WASHC2C: variants seen among roughly 807,000 people sequenced by gnomAD.
The protein encoded by WASHC2C is WASH complex subunit 2C.
A neutral mutation model predicts 142.2 loss-of-function variants in WASHC2C; 73 were observed. That is an observed-to-expected ratio of 0.51 (90% confidence interval 0.43 to 0.62). The LOEUF is 0.62. Among genes scored for constraint, WASHC2C ranks in the 20% least tolerant of loss-of-function variants. WASHC2C has a pLI of 0.00. For missense variants in WASHC2C, 969 were observed against 1,531.7 expected (o/e 0.63, Z 6.13); for synonymous variants, 337 against 565.5 (o/e 0.60, Z 5.73).
At chr10:45,731,829 C>G in intron 3 of WASHC2C, among the ~76,000 whole-genome samples, 1 of 131,278 alleles carries the variant, frequency 7.6e-6, no homozygotes, top group South Asian at 2.6e-4. Context: ...GAGTCTCACT[C>G]TGTCGCCCAG....
intron 23 of WASHC2C, among the ~76,000 whole-genome samples, chr10:45,784,281 T>TATATACAC (rs2057812645): frequency 1.1e-4 from 1 of 9,042 alleles, no homozygotes; most frequent in African/African-American, 1.8e-4. Flanking sequence ...TATATATATA[T>TATATACAC]ATATATATAC....
intron 30 of WASHC2C, among the ~76,000 whole-genome samples, chr10:45,791,344 A>G (rs1172761572): frequency 6.6e-6 from 1 of 151,336 alleles, no homozygotes; most frequent in African/African-American, 2.4e-5. Flanking sequence ...TAATAGATTC[A>G]TGCAATTCAG....
intron 3 of WASHC2C, among the ~76,000 whole-genome samples, chr10:45,732,085 CA>C (rs1159780123): frequency 6.6e-6 from 1 of 152,116 alleles, no homozygotes; most frequent in African/African-American, 2.4e-5. Context: ...TGTGAGCCAC[CA>C]TACCCGGCAA....
chr10:45,767,275 A>AT (rs1554882761), intron 19 of WASHC2C, among the ~76,000 whole-genome samples: 1 of 149,884 alleles, frequency 6.7e-6, no homozygotes, highest in East Asian at 2.0e-4. Context: ...CTCAAAAAAA[A>AT]GCTTATGCAA....
chr10:45,752,292 T>A (rs1273973510), intron 11 of WASHC2C, among the ~76,000 whole-genome samples: 1 of 152,308 alleles, frequency 6.6e-6, no homozygotes, highest in Non-Finnish European at 1.5e-5. Context: ...ATGTGGCGTC[T>A]GACCCGAATG....
intron 28 of WASHC2C, among the ~76,000 whole-genome samples, 167 bp downstream of exon 28, chr10:45,787,414 A>G (rs1554890785): frequency 2.3e-5 from 2 of 88,604 alleles, no homozygotes; most frequent in Non-Finnish European, 4.6e-5. Context: ...CACCCCCCTC[A>G]TCCTGCACCT....
At chr10:45,735,758 C>T (rs1430424856) in intron 3 of WASHC2C, among the ~76,000 whole-genome samples, 3 of 152,114 alleles carry the variant, frequency 2.0e-5, no homozygotes, top group Admixed American at 6.6e-5. Context: ...CATTTAAAAG[C>T]AACATTGTTT....
In WASHC2C at chr10:45,765,719, T is replaced by C. The variant is rs1554881955; in HGVS notation, c.1778T>C (p.Leu593Ser). 2.5e-6 allele frequency: 4 copies of C among 1,612,012 alleles called. No individual in the cohort carries two copies. Among genetic ancestry groups the C allele is most frequent in the Non-Finnish European group, 1.7e-6 (2 of 1,179,872 alleles). ...FGGTAAKKQT[L>S]SLQAQREEKA... ...GGTACAGCTGCTAAGAAGCAGACAT[T>C]GTCTCTACAAGCTCAGAGAGAAGAG... The change falls in exon 19 of 31, where the codon TTG becomes TCG. Residue 593 changes from leucine (L) to serine (S), a missense_variant. By Grantham distance (145) the Leu-to-Ser change is moderately radical. Coordinates refer to ENST00000623400, the MANE Select transcript of WASHC2C (RefSeq NM_001330074.2).
chr10:45,763,682 T>C (rs1440206943), intron 18 of WASHC2C, among the ~76,000 whole-genome samples, 193 bp downstream of exon 18: 4 of 151,902 alleles, frequency 2.6e-5, no homozygotes, highest in Admixed American at 6.6e-5. Context: ...AGCTGTGCAA[T>C]GGAGAAGACA....
chr10:45,757,335 CTT>C (rs2054432995), intron 16 of WASHC2C, among the ~76,000 whole-genome samples, 196 bp downstream of exon 16: 1 of 147,790 alleles, frequency 6.8e-6, no homozygotes, highest in African/African-American at 2.5e-5. Context: ...TTGGCAAACA[CTT>C]TATGGATGTA....
Position 45,746,587 on chromosome 10 carries a change from C to T in WASHC2C, c.685-13C>T, listed in dbSNP as rs782592577. On this transcript the variant is annotated splice_polypyrimidine_tract_variant and intron_variant, in intron 7 of 30. Transcript: ENST00000623400. Reference sequence around the variant, plus strand: ...AGCCCATTTAACAACAAAGCCTTTTCTTACCCATAAAGGAGTCAGATGAAG... The same window carrying T: ...AGCCCATTTAACAACAAAGCCTTTTTTTACCCATAAAGGAGTCAGATGAAG... 1 of 1,613,286 alleles carries T rather than the reference C, an allele frequency of 6.2e-7. No homozygotes were observed. The highest frequency in any genetic ancestry group is 8.5e-7 in the Non-Finnish European group (1 of 1,179,470).
At chr10:45,727,255 C>T (rs544062800), upstream of WASHC2C, 25 of 1,535,670 alleles carry the variant, frequency 1.6e-5, no homozygotes, top group African/African-American at 2.1e-4. Context: ...GCTAGGCTTC[C>T]GGGGCTCTGC....
chr10:45,764,357 T>C (rs1589803774), intron 18 of WASHC2C, among the ~76,000 whole-genome samples: 1 of 151,662 alleles, frequency 6.6e-6, no homozygotes, highest in East Asian at 1.9e-4. Context: ...AAAAAAATTT[T>C]CAACATATTA....
In WASHC2C at chr10:45,750,834, G is replaced by A. The variant is rs368685492; in HGVS notation, c.927G>A (p.Pro309=). ...GDAMGRVDEE[P]TTLPSGEAKP... ...CCATGGGTCGAGTGGACGAGGAGCC[G>A]ACAAGTGAGCCCCAGCCACGTTGAT... The change falls in exon 10 of 31, where the codon CCG becomes CCA. Residue 309 remains proline, a synonymous_variant. Transcript: ENST00000623400. 1.2e-5 allele frequency: 19 copies of A among 1,548,224 alleles called. No individual in the cohort carries two copies. Among genetic ancestry groups the A allele is most frequent in the African/African-American group, 4.2e-5 (3 of 71,974 alleles).
At chr10:45,729,392 T>C (rs2050277465) in intron 3 of WASHC2C, among the ~76,000 whole-genome samples, 2 of 152,350 alleles carry the variant, frequency 1.3e-5, no homozygotes, top group South Asian at 4.1e-4. Context: ...ATGGTTTCAG[T>C]TGTTGATTGG....
In WASHC2C at chr10:45,789,095, A is replaced by T. The variant is rs2058248669; in HGVS notation, c.3312A>T (p.Glu1104Asp). 1 of 1,611,954 alleles carries T rather than the reference A, an allele frequency of 6.2e-7. No homozygotes were observed. The highest frequency in any genetic ancestry group is 8.5e-7 in the Non-Finnish European group (1 of 1,179,868). The change falls in exon 29 of 31, where the codon GAA becomes GAT. Residue 1104 changes from glutamate to aspartate, a missense_variant. Physicochemically the swap from Glu to Asp is conservative, Grantham distance 45. Coordinates refer to ENST00000623400, the MANE Select transcript of WASHC2C (RefSeq NM_001330074.2). ...EALAAAAAPW[E>D]GGPVPGVDTS... is the part of the protein sequence containing the mutation. ...TGGCAGCTGCCGCTGCACCTTGGGA[A>T]GGTGGTCCTGTGCCTGGAGTGGACA...
intron 6 of WASHC2C, 72 bp downstream of exon 6, chr10:45,743,555 A>C: frequency 1.3e-6 from 2 of 1,562,906 alleles, no homozygotes; most frequent in Non-Finnish European, 1.7e-6. Flanking sequence ...CAAATTTTAC[A>C]TTAAAGTTTC....
At chr10:45,775,870 C>T (rs1168037300) in intron 21 of WASHC2C, among the ~76,000 whole-genome samples, 7 of 151,910 alleles carry the variant, frequency 4.6e-5, no homozygotes, top group African/African-American at 7.2e-5. Context: ...TTAGTAGAGA[C>T]GGGGTTTCAC....
At chr10:45,762,308 GTT>G (rs1554880307) in intron 17 of WASHC2C, among the ~76,000 whole-genome samples, 17 of 152,164 alleles carry the variant, frequency 1.1e-4, no homozygotes, top group African/African-American at 3.4e-4. Flanking sequence ...TGCCTTCCAG[GTT>G]CAAGCAATTC....
Sources: gnomAD v4.1 joint callset for allele counts (sites outside exome capture counted in the v4.1 genomes callset) on GRCh38, gnomAD v4.1.1 for gene constraint, MANE v1.5 for transcripts, NCBI Gene and HGNC (gene_info 2026-07-23, HGNC 2026-07-21) for gene names.